CNTN6: variants seen among roughly 807,000 people sequenced by gnomAD.
The protein encoded by CNTN6 is contactin 6, also known as contactin-6.
A neutral mutation model predicts 122.8 loss-of-function variants in CNTN6; 137 were observed. The observed-to-expected ratio is 1.12, with a 90% CI of 0.97 to 1.29. The LOEUF (loss-of-function observed/expected upper bound fraction) is 1.29, where lower values mean the gene tolerates loss of function less well. Among genes scored for constraint, CNTN6 ranks in the 50% most tolerant of loss-of-function variants. CNTN6 has a pLI of 0.00. For missense variants in CNTN6, 1,634 were observed against 1,223.4 expected, an observed-to-expected ratio of 1.34 and a Z score of -5.01; for synonymous variants, 570 against 426.0, an observed-to-expected ratio of 1.34 and a Z score of -4.16.
intron 5 of CNTN6, among the ~76,000 whole-genome samples, chr3:1,291,481 G>C (rs141736282): frequency 6.6e-6 from 1 of 152,160 alleles, no homozygotes; most frequent in East Asian, 1.9e-4. Context: ...TTAAGTGAAA[G>C]GGGTGACATT....
intron 4 of CNTN6, among the ~76,000 whole-genome samples, chr3:1,256,366 A>G (rs1280888642): frequency 6.6e-6 from 1 of 152,128 alleles, no homozygotes; most frequent in African/African-American, 2.4e-5. Flanking sequence ...TGTTAAACCA[A>G]TAATATTTGC....
chr3:1,349,997 C>G (rs1480742418), intron 11 of CNTN6, among the ~76,000 whole-genome samples: 1 of 151,616 alleles, frequency 6.6e-6, no homozygotes, highest in African/African-American at 2.4e-5. Flanking sequence ...AATTTGGTTA[C>G]TAGTTTGGCT....
chr3:1,334,807 G>A (rs1226485499), intron 11 of CNTN6, among the ~76,000 whole-genome samples: 1 of 152,064 alleles, frequency 6.6e-6, no homozygotes, highest in Non-Finnish European at 1.5e-5. Context: ...TATTTTCTGT[G>A]TTGCTAAATT....
At chr3:1,354,872 T>C (rs1706298080) in intron 12 of CNTN6, among the ~76,000 whole-genome samples, 1 of 151,452 alleles carries the variant, frequency 6.6e-6, no homozygotes, top group South Asian at 2.1e-4. Context: ...ATTGTAGGGT[T>C]TGTAATCTTT....
In CNTN6 at chr3:1,263,453, A is replaced by G. The variant is rs1228529770; in HGVS notation, c.359-14960A>G. Among the ~76,000 whole-genome samples, 4 of 152,134 alleles carry G rather than the reference A, an allele frequency of 2.6e-5. No individual in the cohort carries two copies. The East Asian group carries it at 7.7e-4, about 29-fold the overall frequency. ...GGTTGTGCAGACTAATGCTGACACA[A>G]TGCGGCAATACACAAAGTGGTGGAT... On this transcript the variant is annotated intron_variant, in intron 4 of 22. Coordinates refer to ENST00000446702, the MANE Select transcript of CNTN6 (RefSeq NM_001289080.2).
chr3:1,196,035 G>A (rs1347388903), intron 2 of CNTN6, among the ~76,000 whole-genome samples: 1 of 152,134 alleles, frequency 6.6e-6, no homozygotes, highest in Non-Finnish European at 1.5e-5. Context: ...GAAAGGTTAG[G>A]TTCTTATTGC....
chr3:1,122,338 G>A (rs951755900), intron 1 of CNTN6, among the ~76,000 whole-genome samples: 13 of 126,664 alleles, frequency 1.0e-4, no homozygotes, highest in Admixed American at 1.5e-4. Context: ...AAGGGAGGGC[G>A]AGAGAGAGGG....
chr3:1,142,954 T>TTGTGTG (rs374380362), intron 1 of CNTN6, among the ~76,000 whole-genome samples: 201 of 137,474 alleles, frequency 1.5e-3, no homozygotes, highest in African/African-American at 5.3e-3. Flanking sequence ...ACATATAAAT[T>TTGTGTG]TGTGTGTGTG....
In CNTN6 at chr3:1,374,062, C is replaced by A. The variant is rs866557412; in HGVS notation, c.2084C>A (p.Thr695Asn). ...EPSEPSELLR[T>N]KASVPVVAPV... ...AGTGAACCATCAGAATTGTTAAGAA[C>A]TAAAGCATCAGGTAAAGAATCAATG... is the stretch of plus-strand genomic sequence containing the variant. Residue 695 changes from threonine (T) to asparagine (N), a missense_variant, in exon 16 of 23, where the codon ACT (threonine) becomes AAT (asparagine). By Grantham distance (65) the Thr-to-Asn change is moderately conservative. Transcript: ENST00000446702. 6.2e-7 allele frequency: 1 copy of A among 1,612,306 alleles called. No homozygotes were observed. The highest frequency in any genetic ancestry group is 8.5e-7 in the Non-Finnish European group (1 of 1,178,754).
chr3:1,398,396 C>A (rs193289963), intron 20 of CNTN6, among the ~76,000 whole-genome samples: 1 of 152,234 alleles, frequency 6.6e-6, no homozygotes, highest in Admixed American at 6.5e-5. Context: ...AGATAATTAG[C>A]TGAGACTCTC....
chr3:1,176,324 C>T (rs1559459423), intron 2 of CNTN6, among the ~76,000 whole-genome samples: 1 of 151,964 alleles, frequency 6.6e-6, no homozygotes. Flanking sequence ...GGCTGAGGCA[C>T]GAGAATCACT....
intron 19 of CNTN6, 23 bp downstream of exon 19, chr3:1,383,431 T>C (rs1447864949): frequency 6.3e-7 from 1 of 1,590,144 alleles, no homozygotes; most frequent in South Asian, 1.1e-5. Flanking sequence ...AATTTCACTT[T>C]TGCTTATGAA....
chr3:1,248,589 G>A (rs181117185), intron 4 of CNTN6, among the ~76,000 whole-genome samples: 30 of 152,292 alleles, frequency 2.0e-4, no homozygotes, highest in Non-Finnish European at 3.2e-4. Context: ...GGAGGCCAAG[G>A]TGGGTGGATT....
chr3:1,135,067 G>T (rs921573044), intron 1 of CNTN6, among the ~76,000 whole-genome samples: 1 of 152,048 alleles, frequency 6.6e-6, no homozygotes, highest in Non-Finnish European at 1.5e-5. Flanking sequence ...CATGTATTTT[G>T]CAAAAATAAC....
At chr3:1,294,060 A>G (rs1275112649) in intron 5 of CNTN6, among the ~76,000 whole-genome samples, 2 of 152,202 alleles carry the variant, frequency 1.3e-5, no homozygotes, top group South Asian at 2.1e-4. Context: ...GTCATTTCTT[A>G]TAAAGTTACA....
intron 12 of CNTN6, among the ~76,000 whole-genome samples, chr3:1,357,532 A>T (rs1706770084): frequency 6.6e-6 from 1 of 151,922 alleles, no homozygotes; most frequent in Admixed American, 6.6e-5. Context: ...ATTTTATACA[A>T]GGGAGATTGA....
At chr3:1,147,450 A>G (rs1398763770) in intron 1 of CNTN6, among the ~76,000 whole-genome samples, 1 of 152,116 alleles carries the variant, frequency 6.6e-6, no homozygotes, top group Non-Finnish European at 1.5e-5. Context: ...CTTATTCTAA[A>G]TTTTTATGAG....
At chr3:1,311,850 C>T (rs182348697) in intron 7 of CNTN6, among the ~76,000 whole-genome samples, 1 of 151,968 alleles carries the variant, frequency 6.6e-6, no homozygotes, top group African/African-American at 2.4e-5. Context: ...CAGTCCTCTG[C>T]ACCCTCATTT....
intron 4 of CNTN6, among the ~76,000 whole-genome samples, chr3:1,251,642 G>T (rs2094671621): frequency 6.6e-6 from 1 of 152,002 alleles, no homozygotes; most frequent in African/African-American, 2.4e-5. Flanking sequence ...ACCGACATCA[G>T]TGGTCCATTC....
Sources: gnomAD v4.1 joint callset for allele counts (sites outside exome capture counted in the v4.1 genomes callset) on GRCh38, gnomAD v4.1.1 for gene constraint, MANE v1.5 for transcripts, NCBI Gene and HGNC (gene_info 2026-07-23, HGNC 2026-07-21) for gene names.